FAM169A: variants seen among roughly 807,000 people sequenced by gnomAD.
The protein encoded by FAM169A is soluble lamin-associated protein of 75 kDa.
In FAM169A, 24 loss-of-function variants were observed where a neutral mutation model predicts 75.7. That is an observed-to-expected ratio of 0.32 (90% CI 0.23 to 0.45). The LOEUF is 0.45. FAM169A is among the 20% of genes least tolerant of loss of function. The probability of loss-of-function intolerance (pLI) is 1.00; values close to 1 mark genes in which losing one functional copy is unlikely to be tolerated. For missense variants in FAM169A, 673 were observed against 784.0 expected (o/e 0.86, Z 1.69); for synonymous variants, 271 against 271.0 (o/e 1.00, Z 0.00).
At chr5:74,846,431 T>C (rs770539429) in intron 1 of FAM169A, among the ~76,000 whole-genome samples, 16 of 152,244 alleles carry the variant, frequency 1.1e-4, no homozygotes, top group Non-Finnish European at 2.2e-4. Context: ...AAGAGTTTGA[T>C]AGAACAGCAA....
intron 6 of FAM169A, among the ~76,000 whole-genome samples, chr5:74,810,695 A>T (rs1319586346): frequency 2.3e-5 from 3 of 130,750 alleles, no homozygotes; most frequent in Non-Finnish European, 4.6e-5. Context: ...GCTTGCAGTG[A>T]GCCGAGTTTG....
chr5:74,825,756 G>A (rs1286423586), intron 5 of FAM169A, among the ~76,000 whole-genome samples: 1 of 152,126 alleles, frequency 6.6e-6, no homozygotes, highest in Non-Finnish European at 1.5e-5. Flanking sequence ...TCATGTTGCT[G>A]TTGAGAACTC....
intron 1 of FAM169A, among the ~76,000 whole-genome samples, chr5:74,854,885 C>T (rs552057465): frequency 6.6e-6 from 1 of 152,152 alleles, no homozygotes; most frequent in African/African-American, 2.4e-5. Flanking sequence ...GCTTTCAAAT[C>T]TTAGCTATTA....
At chr5:74,792,660 CCTGA>C (rs56917023) in intron 11 of FAM169A, among the ~76,000 whole-genome samples, 3,639 of 152,114 alleles carry the variant, frequency 0.024, 140 homozygotes, top group African/African-American at 0.083. Context: ...TCTAGAGAAC[CCTGA>C]CTAATACACT....
intron 1 of FAM169A, among the ~76,000 whole-genome samples, chr5:74,849,065 C>T (rs1003107662): frequency 6.6e-6 from 1 of 152,014 alleles, no homozygotes; most frequent in Non-Finnish European, 1.5e-5. Context: ...GAATGGACAG[C>T]GAAGTGTAAA....
At chr5:74,834,794 C>CA (rs1438420885) in intron 4 of FAM169A, among the ~76,000 whole-genome samples, 197 bp from the exon 5 acceptor site, 1 of 152,056 alleles carries the variant, frequency 6.6e-6, no homozygotes, top group African/African-American at 2.4e-5. Flanking sequence ...CATTTCCACA[C>CA]ACACATATTA....
intron 5 of FAM169A, among the ~76,000 whole-genome samples, chr5:74,833,028 G>A (rs770935835): frequency 6.6e-6 from 1 of 151,996 alleles, no homozygotes; most frequent in South Asian, 2.1e-4. Flanking sequence ...TGCATAATAA[G>A]AAGAGCACAC....
intron 6 of FAM169A, among the ~76,000 whole-genome samples, chr5:74,806,259 C>T (rs1034937882): frequency 6.6e-6 from 1 of 152,112 alleles, no homozygotes; most frequent in Non-Finnish European, 1.5e-5. Flanking sequence ...ACCACACGTA[C>T]ACTACAACTT....
Position 74,857,380 on chromosome 5 carries a change from G to A in FAM169A, c.-4+8785C>T, listed in dbSNP as rs147395089. On this transcript the variant is annotated intron_variant, in intron 1 of 12. Coordinates refer to ENST00000687041, the MANE Select transcript of FAM169A (RefSeq NM_001376049.1). ...AGCCTGGGCAACACGGCAAAACCCC[G>A]TCTCTACAAAAAATACAAAAAATTA... Among the ~76,000 whole-genome samples the A allele has an allele frequency of 9.7e-3, 1,466 of 151,374 alleles. 29 individuals are homozygous for A. Among genetic ancestry groups the A allele is most frequent in the African/African-American group, 0.034 (1,400 of 41,294 alleles).
intron 11 of FAM169A, among the ~76,000 whole-genome samples, chr5:74,792,351 A>G (rs111656443): frequency 4.1e-4 from 63 of 152,328 alleles, no homozygotes; most frequent in African/African-American, 1.5e-3. Flanking sequence ...CCAGGTGGGC[A>G]CCATCTAATC....
chr5:74,807,309 T>C (rs1014774189), intron 6 of FAM169A, among the ~76,000 whole-genome samples: 10 of 152,196 alleles, frequency 6.6e-5, no homozygotes, highest in Admixed American at 1.3e-4. Flanking sequence ...AAGCCTATTT[T>C]ATGATAAACT....
intron 1 of FAM169A, among the ~76,000 whole-genome samples, chr5:74,856,113 G>C (rs1206980181): frequency 3.3e-5 from 5 of 152,074 alleles, no homozygotes; most frequent in African/African-American, 1.2e-4. Context: ...TTTATTTCTG[G>C]GTTCTCTACT....
chr5:74,837,985 C>T (rs935387571), intron 4 of FAM169A, among the ~76,000 whole-genome samples: 4 of 151,404 alleles, frequency 2.6e-5, no homozygotes, highest in African/African-American at 9.7e-5. Flanking sequence ...GGCATGGTGG[C>T]GTATGTCTGT....
chr5:74,815,440 C>T (rs895478966), intron 5 of FAM169A, among the ~76,000 whole-genome samples: 2 of 152,152 alleles, frequency 1.3e-5, no homozygotes, highest in Admixed American at 1.3e-4. Flanking sequence ...ATCTGCCCCA[C>T]CTCAGCCTCC....
chr5:74,800,906 C>G lies in FAM169A; in HGVS notation c.1077G>C (p.Gln359His). The G allele has an allele frequency of 6.7e-7, 1 of 1,494,002 alleles. No homozygotes were observed. The highest frequency in any genetic ancestry group is 8.9e-7 in the Non-Finnish European group (1 of 1,117,598). 92.5% of individuals were successfully genotyped at this position (1,494,002 alleles called of 1,614,324 possible). ...SSQGEDEKTSQTSLTASINKL... is the reference protein window; with the variant it reads ...SSQGEDEKTSHTSLTASINKL... ...TGTTTATTGAAGCTGTAAGTGAAGTCTGGGAGGTCTTTTCATCTTCACCTT... is the reference window on the plus strand; with the variant it reads ...TGTTTATTGAAGCTGTAAGTGAAGTGTGGGAGGTCTTTTCATCTTCACCTT... The change falls in exon 10 of 13, where the codon CAG (glutamine) becomes CAC (histidine). Residue 359 changes from glutamine (Q) to histidine (H), a missense_variant. This residue lies in a region of FAM169A where 510 missense variants were observed against 550.9 expected (regional missense o/e 0.93). Coordinates refer to ENST00000687041, the MANE Select transcript of FAM169A (RefSeq NM_001376049.1).
chr5:74,810,751 CAAAAAA>C (rs750402413), intron 6 of FAM169A, among the ~76,000 whole-genome samples: 1 of 52,542 alleles, frequency 1.9e-5, no homozygotes. Context: ...GACTCCGTCT[CAAAAAA>C]AAAAAAAAAA....
intron 5 of FAM169A, among the ~76,000 whole-genome samples, chr5:74,821,435 A>T (rs188674155): frequency 1.3e-5 from 2 of 152,344 alleles, no homozygotes; most frequent in East Asian, 3.9e-4. Flanking sequence ...CTCTCCCCTT[A>T]AAACTTAACA....
chr5:74,866,402 T>A (rs1750351447), upstream of FAM169A: 7 of 981,578 alleles, frequency 7.1e-6, no homozygotes, highest in Non-Finnish European at 8.5e-6. Context: ...CCGCAGCGCC[T>A]CCAGCCTTCG....
intron 5 of FAM169A, among the ~76,000 whole-genome samples, chr5:74,825,376 T>C (rs564877021): frequency 1.1e-3 from 161 of 152,312 alleles, no homozygotes; most frequent in Admixed American, 3.9e-3. Context: ...CATGTGGCCA[T>C]TGAGCTCTTA....
Sources: allele counts gnomAD v4.1 joint callset (sites outside exome capture counted in the v4.1 genomes callset), GRCh38; gene constraint gnomAD v4.1.1; regional missense constraint gnomAD v4.1.1; transcripts MANE v1.5; gene names NCBI Gene and HGNC (gene_info 2026-07-23, HGNC 2026-07-21).